Variants in ZNF320 observed in about 807,000 individuals in gnomAD.
ZNF320 encodes zinc finger gene 320.
A neutral mutation model predicts 6.8 loss-of-function variants in ZNF320; 2 were observed. That is an observed-to-expected ratio of 0.29 (90% CI 0.12 to 0.93). The LOEUF is 0.93. Among genes scored for constraint, ZNF320 ranks in the 40% least tolerant of loss-of-function variants. The pLI is 0.55. For synonymous variants in ZNF320, 208 were observed against 203.2 expected, an observed-to-expected ratio of 1.02 and a Z score of -0.20; for missense variants, 472 against 611.0, an observed-to-expected ratio of 0.77 and a Z score of 2.40.
chr19:52,890,810 T>C (rs1600648322), intron 3 of ZNF320, among the ~76,000 whole-genome samples: 2 of 151,610 alleles, frequency 1.3e-5, no homozygotes, highest in East Asian at 3.9e-4. Context: ...TGCTCAAGAG[T>C]TCGAGACCAG....
chr19:52,873,887 C>T (rs538592081), downstream of ZNF320: 4 of 320,170 alleles, frequency 1.2e-5, no homozygotes, highest in African/African-American at 4.4e-5. Flanking sequence ...TGTGAGCAAA[C>T]GTGTGAGGCA....
At chr19:52,871,931 A>T (rs1199446627), downstream of ZNF320, among the ~76,000 whole-genome samples, 1 of 152,150 alleles carries the variant, frequency 6.6e-6, no homozygotes, top group African/African-American at 2.4e-5. Flanking sequence ...CATCACATCC[A>T]ATCAACTCAC....
chr19:52,866,542 AC>A (rs1486567937), intron 5 of ZNF320, among the ~76,000 whole-genome samples: 1 of 152,160 alleles, frequency 6.6e-6, no homozygotes, highest in Admixed American at 6.6e-5. Flanking sequence ...AAAATGTGGA[AC>A]ATTTTAACAC....
Position 52,865,909 on chromosome 19 carries a change from A to G in ZNF320, c.224-1750T>C, listed in dbSNP as rs1280104820. On this transcript the variant is annotated intron_variant, in intron 5 of 5. Coordinates refer to the ZNF320 transcript ENST00000673631. ...TACATATATTTATATATATGATTATACACATATATTTATATATGATTATAC... is the reference window on the plus strand; with the variant it reads ...TACATATATTTATATATATGATTATGCACATATATTTATATATGATTATAC... 3.6e-5 allele frequency among the ~76,000 whole-genome samples: 3 copies of G among 82,284 alleles called. 1 individual carries two copies. The highest frequency in any genetic ancestry group is 1.4e-4 in the African/African-American group (3 of 20,732). The allele number at this position is 82,284 out of a possible 152,430, so 54.0% of individuals were successfully genotyped here.
upstream of ZNF320, among the ~76,000 whole-genome samples, chr19:52,901,523 TG>T (rs2064571189): frequency 6.6e-6 from 1 of 152,056 alleles, no homozygotes; most frequent in Non-Finnish European, 1.5e-5. Context: ...TGTTTAAGGG[TG>T]GTCTCAGAGG....
chr19:52,869,396 G>A (rs1389521164), intron 5 of ZNF320, among the ~76,000 whole-genome samples: 1 of 152,114 alleles, frequency 6.6e-6, no homozygotes, highest in African/African-American at 2.4e-5. Flanking sequence ...AATGAGTAAA[G>A]TCTATGAGGA....
Position 52,881,195 on chromosome 19 carries a change from T to C in ZNF320, c.931A>G (p.Lys311Glu). The C allele has an allele frequency of 6.2e-7, 1 of 1,614,192 alleles. No individual in the cohort carries two copies. Among genetic ancestry groups the C allele is most frequent in the Non-Finnish European group, 8.5e-7 (1 of 1,180,026 alleles). Residue 311 changes from lysine (K) to glutamate (E), a missense_variant, in exon 6 of 6, where the codon AAG becomes GAG. Around this residue, in one of 2 missense-constraint regions of ZNF320, gnomAD observed 462 missense variants for 559.7 expected, o/e 0.83. Coordinates refer to ENST00000682928, the MANE Select transcript of ZNF320 (RefSeq NM_001351774.2). ...TGTCCTGCAAGAGTTGCTCGTTGCT[T>C]AAAAACCTTGCCACATTCATTACAC... ...YKCNECGKVFKQRATLAGHRR... is the reference protein window; with the variant it reads ...YKCNECGKVFEQRATLAGHRR...
intron 5 of ZNF320, among the ~76,000 whole-genome samples, chr19:52,864,773 G>A (rs2063514271): frequency 6.6e-6 from 1 of 152,114 alleles, no homozygotes; most frequent in African/African-American, 2.4e-5. Context: ...CAGCACTTTG[G>A]GAGGCCGAGG....
At chr19:52,873,952 G>A, downstream of ZNF320, 2 of 422,686 alleles carry the variant, frequency 4.7e-6, no homozygotes, top group African/African-American at 2.1e-5. Context: ...ATTTCAGAAA[G>A]GAAAGAGACA....
chr19:52,881,294 ACT>A lies in ZNF320; in HGVS notation c.830_831del (p.Glu277ValfsTer15). On this transcript the variant is annotated frameshift_variant, in exon 6 of 6. Coordinates refer to ENST00000682928, the MANE Select transcript of ZNF320 (RefSeq NM_001351774.2). LOFTEE classifies it low-confidence loss of function (END_TRUNC). ...GAATTTCGAGCGAAGGTCTTGCCAC[ACT>A]CATTACATTTGTAAGGTTTCTCTCC... ...HTGEKPYKCN[E>X]CGKTFARNSV... 1 of 1,614,108 alleles carries A rather than the reference ACT, an allele frequency of 6.2e-7. No individual in the cohort carries two copies. Among genetic ancestry groups the A allele is most frequent in the Non-Finnish European group, 8.5e-7 (1 of 1,180,006 alleles).
chr19:52,883,853 A>C, intron 5 of ZNF320: 7 of 303,452 alleles, frequency 2.3e-5, no homozygotes, highest in South Asian at 7.7e-5. Flanking sequence ...GAGCCAAGAT[A>C]GTGCCACTGC....
At position 52,879,658 on chromosome 19, in the gene ZNF320, C is replaced by T. The variant is rs997329132; in HGVS notation, c.*938G>A. On this transcript the variant is annotated 3_prime_UTR_variant, in exon 6 of 6. Transcript: ENST00000682928. ...CAGAAAGAAAGAAGTAAAACTATTT[C>T]TTTGTAGATGACATGATCTTCTGTG... is the stretch of plus-strand genomic sequence containing the variant. 2 of 152,160 alleles carry T rather than the reference C, an allele frequency of 1.3e-5. No individual in the cohort carries two copies. The highest frequency in any genetic ancestry group is 4.8e-5 in the African/African-American group (2 of 41,434). The allele number at this position is 152,160 out of a possible 1,614,324, so 9.4% of individuals were successfully genotyped here.
At chr19:52,900,690 C>A (rs2064568361), upstream of ZNF320, among the ~76,000 whole-genome samples, 1 of 150,212 alleles carries the variant, frequency 6.7e-6, no homozygotes, top group South Asian at 2.1e-4. Context: ...AGTTTTTTTT[C>A]ATCAATGCTT....
downstream of ZNF320, among the ~76,000 whole-genome samples, chr19:52,859,938 T>A (rs189494919): frequency 1.2e-4 from 18 of 145,292 alleles, no homozygotes; most frequent in African/African-American, 4.4e-4. Context: ...TTTGAGACGG[T>A]GTATCGCTCT....
intron 1 of ZNF320, among the ~76,000 whole-genome samples, chr19:52,896,839 G>A (rs1263619180): frequency 6.6e-6 from 1 of 152,194 alleles, no homozygotes; most frequent in African/African-American, 2.4e-5. Context: ...GAGTAACAAA[G>A]GATCAAAGGC....
At chr19:52,869,110 G>A (rs2147779729) in intron 5 of ZNF320, among the ~76,000 whole-genome samples, 1 of 152,082 alleles carries the variant, frequency 6.6e-6, no homozygotes, top group Non-Finnish European at 1.5e-5. Context: ...GCACCTCTGT[G>A]GGAATATAAT....
intron 5 of ZNF320, among the ~76,000 whole-genome samples, chr19:52,867,960 G>A (rs8105147): frequency 0.5 from 74,319 of 150,060 alleles, 18,437 homozygotes; most frequent in African/African-American, 0.57. Flanking sequence ...GGACTGACTG[G>A]TCTCAAACTC....
At chr19:52,889,000 A>G (rs2064198567) in intron 4 of ZNF320, among the ~76,000 whole-genome samples, 1 of 152,092 alleles carries the variant, frequency 6.6e-6, no homozygotes, top group African/African-American at 2.4e-5. Flanking sequence ...CCTGGCCAAC[A>G]TGGTGAAACC....
rs576447411 is a variant in ZNF320, at chr19:52,866,059, CAT to C, written c.224-1902_224-1901del. Among the ~76,000 whole-genome samples the C allele has an allele frequency of 5.2e-3, 570 of 109,128 alleles. 71 individuals carry two copies. The highest frequency in any genetic ancestry group is 0.02 in the African/African-American group (554 of 28,022). 71.6% of individuals were successfully genotyped at this position (109,128 alleles called of 152,430 possible). A position where few individuals can be genotyped will look rare whatever the true frequency, so the allele number is the denominator to read the frequency against. ...ATGATTATACATATATATGATTATACATATATTTATATATATGATTATACATA... is the reference window on the plus strand; with the variant it reads ...ATGATTATACATATATATGATTATACATATTTATATATATGATTATACATA... On this transcript the variant is annotated intron_variant, in intron 5 of 5. Coordinates refer to the ZNF320 transcript ENST00000673631.
Sources: gnomAD v4.1 joint callset for allele counts (sites outside exome capture counted in the v4.1 genomes callset) on GRCh38, gnomAD v4.1.1 for gene constraint, gnomAD v4.1.1 regional missense constraint, MANE v1.5 for transcripts, NCBI Gene and HGNC (gene_info 2026-07-23, HGNC 2026-07-21) for gene names.